The following IQGAP2 variants were observed in gnomAD, a reference collection of about 807,000 sequenced individuals.
IQGAP2 encodes IQ motif containing GTPase activating protein 2.
IQGAP2 carries 173 observed loss-of-function variants against 201.3 expected under a neutral mutation model. The ratio of observed to expected loss-of-function variants is 0.86; its 90% CI spans 0.76 to 0.98. The LOEUF is 0.98. IQGAP2 is among the 50% of genes least tolerant of loss of function. The pLI is 0.00. For missense variants in IQGAP2, 1,687 were observed against 1,864.8 expected (o/e 0.90, Z 1.76); for synonymous variants, 675 against 673.9 (o/e 1.00, Z -0.03).
chr5:76,506,999 G>C (rs1237805715), intron 2 of IQGAP2, among the ~76,000 whole-genome samples: 1 of 152,166 alleles, frequency 6.6e-6, no homozygotes, highest in Non-Finnish European at 1.5e-5. Context: ...AATAACTCTG[G>C]ATATTGACAA....
intron 4 of IQGAP2, 46 bp from the exon 5 acceptor site, chr5:76,575,647 G>A (rs757727131): frequency 2.4e-6 from 3 of 1,254,788 alleles, no homozygotes; most frequent in South Asian, 1.4e-5. Context: ...TAAAATACTT[G>A]TGAGAAGCAA....
chr5:76,511,120 TG>T (rs1757933261), intron 2 of IQGAP2, among the ~76,000 whole-genome samples: 1 of 152,268 alleles, frequency 6.6e-6, no homozygotes, highest in South Asian at 2.1e-4. Flanking sequence ...CCCTATTATA[TG>T]GACTACATTC....
rs150177727 is a variant in IQGAP2, at chr5:76,690,869, C to T, written c.3906-2486C>T. Among the ~76,000 whole-genome samples the T allele has an allele frequency of 7.2e-3, 1,101 of 152,332 alleles. 10 individuals are homozygous for T. Among genetic ancestry groups the T allele is most frequent in the African/African-American group, 0.024 (980 of 41,564 alleles). ...CTCAAGTGCCACCTGTGGCCAGTGG[C>T]GGCCATCATGGGCAGCACAGCTTTA... On this transcript the variant is annotated intron_variant, in intron 30 of 35. Coordinates refer to ENST00000274364, the MANE Select transcript of IQGAP2 (RefSeq NM_006633.5).
chr5:76,695,604 G>T lies in IQGAP2; in HGVS notation c.4144G>T (p.Glu1382Ter), dbSNP rs766232680. The T allele has an allele frequency of 6.2e-7, 1 of 1,614,182 alleles. No individual in the cohort carries two copies. Among genetic ancestry groups the T allele is most frequent in the Non-Finnish European group, 8.5e-7 (1 of 1,180,034 alleles). The change falls in exon 32 of 36, where the codon GAA (glutamate) becomes TAA (stop). Residue 1382 changes from glutamate to a stop codon, truncating the protein, a stop_gained. Coordinates refer to ENST00000274364, the MANE Select transcript of IQGAP2 (RefSeq NM_006633.5). LOFTEE classifies it high-confidence loss of function. ...AATCCAGAGGAATCTTCGGACGTTG[G>T]AACAGACTGGACACGTGTCATCCGA... ...RKIQRNLRTL[E>*]QTGHVSSENK...
intron 2 of IQGAP2, among the ~76,000 whole-genome samples, chr5:76,516,626 G>A (rs1437046869): frequency 1.3e-5 from 2 of 150,608 alleles, no homozygotes; most frequent in East Asian, 3.9e-4. Flanking sequence ...TGTGTTGGGG[G>A]AGGGGGTTGC....
intron 1 of IQGAP2, among the ~76,000 whole-genome samples, chr5:76,455,735 G>A (rs1300305964): frequency 6.6e-6 from 1 of 152,236 alleles, no homozygotes; most frequent in African/African-American, 2.4e-5. Context: ...GAGGGTATTG[G>A]CAGCCAATCA....
chr5:76,684,039 A>C, intron 30 of IQGAP2, 122 bp downstream of exon 30: 1 of 791,214 alleles, frequency 1.3e-6, no homozygotes, highest in South Asian at 3.1e-5. Flanking sequence ...TCTATTATGT[A>C]TATCCATCAA....
chr5:76,427,446 C>A (rs1033142232), intron 1 of IQGAP2, among the ~76,000 whole-genome samples: 4 of 152,182 alleles, frequency 2.6e-5, no homozygotes, highest in African/African-American at 7.2e-5. Context: ...GCTCTCCCCC[C>A]TCCCCTTTCA....
chr5:76,623,216 G>T (rs1296562942), intron 13 of IQGAP2: 2 of 1,614,102 alleles, frequency 1.2e-6, no homozygotes, highest in Non-Finnish European at 1.7e-6. Context: ...CAGCTGCAAA[G>T]ATGAGGGCTT....
At chr5:76,517,949 G>A (rs1034250116) in intron 2 of IQGAP2, among the ~76,000 whole-genome samples, 8 of 152,028 alleles carry the variant, frequency 5.3e-5, no homozygotes, top group Middle Eastern at 3.4e-3. Context: ...AAATAAAGAC[G>A]TTTATTTTAT....
At chr5:76,537,195 C>T (rs956558481) in intron 2 of IQGAP2, among the ~76,000 whole-genome samples, 1 of 152,182 alleles carries the variant, frequency 6.6e-6, no homozygotes, top group African/African-American at 2.4e-5. Flanking sequence ...AGTGATTCGG[C>T]CAATGGAAGT....
intron 2 of IQGAP2, among the ~76,000 whole-genome samples, chr5:76,544,712 C>T (rs925897165): frequency 5.3e-5 from 8 of 152,058 alleles, no homozygotes; most frequent in African/African-American, 1.2e-4. Flanking sequence ...CATATATACA[C>T]GTGGTGCAAA....
chr5:76,546,712 A>T (rs1323721714), intron 2 of IQGAP2, among the ~76,000 whole-genome samples: 1 of 152,202 alleles, frequency 6.6e-6, no homozygotes, highest in Non-Finnish European at 1.5e-5. Flanking sequence ...GGTGGGCAAC[A>T]CTGCCTTGGT....
rs866589239 is a variant in IQGAP2 at position 76,674,492 on chromosome 5, C to T, written c.3310C>T (p.Leu1104=). The part of the protein sequence containing the change: ...DELLKIVGNL[L]YYRYMNPAIV... The stretch of plus-strand genomic sequence containing the variant: ...GTCACTCCAGATTGTTGGAAACCTC[C>T]TGTACTATCGGTACATGAATCCAGC... Residue 1104 remains leucine, a synonymous_variant, in exon 27 of 36, where the codon CTG becomes TTG. Coordinates refer to ENST00000274364, the MANE Select transcript of IQGAP2 (RefSeq NM_006633.5). 1.2e-6 allele frequency: 2 copies of T among 1,612,460 alleles called. No homozygotes were observed. Among genetic ancestry groups the T allele is most frequent in the Middle Eastern group, 1.7e-4 (1 of 6,060 alleles).
chr5:76,701,142 A>G lies in IQGAP2; in HGVS notation c.4434A>G (p.Pro1478=), dbSNP rs2150561316. The G allele has an allele frequency of 1.2e-6, 2 of 1,614,174 alleles. No homozygotes were observed. Among genetic ancestry groups the G allele is most frequent in the East Asian group, 2.2e-5 (1 of 44,890 alleles). ...GEPKGAKRAK[P]VKYTAAKLHE... The stretch of plus-strand genomic sequence containing the variant: ...CCAAAGGGGCGAAGAGAGCGAAGCC[A>G]GTGAAGTACACTGCAGCAAAGCTGC... The change falls in exon 34 of 36, where the codon CCA becomes CCG. Residue 1478 remains proline (P), a synonymous_variant. Coordinates refer to ENST00000274364, the MANE Select transcript of IQGAP2 (RefSeq NM_006633.5).
At chr5:76,576,141 T>C (rs1745457984) in intron 5 of IQGAP2, among the ~76,000 whole-genome samples, 1 of 152,196 alleles carries the variant, frequency 6.6e-6, no homozygotes, top group Admixed American at 6.5e-5. Flanking sequence ...TGAGCAACTT[T>C]AATAGTCATA....
chr5:76,684,053 T>C (rs2150516391), intron 30 of IQGAP2, 136 bp downstream of exon 30: 4 of 674,432 alleles, frequency 5.9e-6, no homozygotes, highest in Non-Finnish European at 4.5e-6. Flanking sequence ...CCATCAAACA[T>C]CTAACCAAAG....
intron 1 of IQGAP2, among the ~76,000 whole-genome samples, chr5:76,449,275 ACT>A (rs1753589590): frequency 6.6e-6 from 1 of 151,752 alleles, no homozygotes; most frequent in Admixed American, 6.6e-5. Flanking sequence ...CTGACTTCAA[ACT>A]CTCTTCATCT....
chr5:76,472,053 G>A (rs1755142476), intron 2 of IQGAP2, among the ~76,000 whole-genome samples: 2 of 152,180 alleles, frequency 1.3e-5, no homozygotes, highest in Non-Finnish European at 2.9e-5. Context: ...GTTCCATGCG[G>A]CAGCTGGTGG....
Sources: gnomAD v4.1 joint callset for allele counts (sites outside exome capture counted in the v4.1 genomes callset) on GRCh38, gnomAD v4.1.1 for gene constraint, MANE v1.5 for transcripts, NCBI Gene and HGNC (gene_info 2026-07-23, HGNC 2026-07-21) for gene names.